The following POPDC3 variants were observed in gnomAD, a reference collection of about 807,000 sequenced individuals.
The protein encoded by POPDC3 is popeye domain cAMP effector 3.
A neutral mutation model predicts 28.2 loss-of-function variants in POPDC3; 20 were observed. The observed-to-expected ratio is 0.71, with a 90% CI of 0.50 to 1.03. The LOEUF is 1.03. Among genes scored for constraint, POPDC3 ranks in the 50% least tolerant of loss-of-function variants. The pLI, the probability that POPDC3 is intolerant of heterozygous loss-of-function variation, is 0.00. For missense variants in POPDC3, 316 were observed against 345.9 expected (o/e 0.91, Z 0.69); for synonymous variants, 118 against 124.1 (o/e 0.95, Z 0.33).
chr6:105,165,666 AC>A lies in POPDC3; in HGVS notation c.-251-3507del, dbSNP rs377072398. On this transcript the variant is annotated intron_variant, in intron 1 of 3. Transcript: ENST00000254765. ...TCACTTTTTCAAAATGCCTGGCACA[AC>A]CCCAAATGCATAAGGGAATCCTTTT... is the stretch of plus-strand genomic sequence containing the variant. Among the ~76,000 whole-genome samples the A allele has an allele frequency of 5.6e-4, 86 of 152,340 alleles. No homozygotes were observed. The East Asian group carries it at 0.016, about 28-fold the overall frequency.
intron 1 of POPDC3, chr6:105,178,805 A>G (rs1774728446): frequency 1.2e-5 from 12 of 985,038 alleles, no homozygotes; most frequent in African/African-American, 1.7e-5. Context: ...TTCATGCAAC[A>G]GTCCGTAGAA....
At chr6:105,166,468 G>A in intron 1 of POPDC3, 1 of 413,014 alleles carries the variant, frequency 2.4e-6, no homozygotes, top group Non-Finnish European at 5.0e-6. Flanking sequence ...GTGACAGGTG[G>A]GGGTGGGGGA....
Position 105,162,095 on chromosome 6 carries a change from T to C in POPDC3, c.-186A>G, listed in dbSNP as rs572946130. 5.3e-6 allele frequency: 7 copies of C among 1,328,958 alleles called. No homozygotes were observed. In the African/African-American group the frequency reaches 9.0e-5, roughly 17 times the overall value. 82.3% of individuals were successfully genotyped at this position (1,328,958 alleles called of 1,614,324 possible). A position where few individuals can be genotyped will look rare whatever the true frequency, so the allele number is the denominator to read the frequency against. On this transcript the variant is annotated 5_prime_UTR_variant, in exon 2 of 4. The change abolishes an upstream ATG in the 5' untranslated region. Transcript: ENST00000254765. The stretch of plus-strand genomic sequence containing the variant: ...GGATCTTGAAAAACTAAGAATCCCA[T>C]GCTCGCTTCTTTAAGTTCATCTGGG...
At chr6:105,176,290 A>G (rs1345378211) in intron 1 of POPDC3, among the ~76,000 whole-genome samples, 2 of 152,206 alleles carry the variant, frequency 1.3e-5, no homozygotes, top group African/African-American at 4.8e-5. Flanking sequence ...TTATACACTG[A>G]TGACAGAAGT....
chr6:105,159,706 C>T lies in POPDC3; in HGVS notation c.594+5G>A, dbSNP rs761217588. ...GTGCTAACTGTGTGTTCTGGTATCC[C>T]TTACCTGAAAAATGCCTTCCTCTGT... On this transcript the variant is annotated splice_donor_5th_base_variant and intron_variant, in intron 3 of 3. Transcript: ENST00000254765. 81 of 1,551,712 alleles carry T rather than the reference C, an allele frequency of 5.2e-5. No homozygotes were observed. Among genetic ancestry groups the T allele is most frequent in the Non-Finnish European group, 6.9e-5 (78 of 1,123,750 alleles).
At chr6:105,159,177 A>T (rs1774265722) in intron 3 of POPDC3, 1 of 160,122 alleles carries the variant, frequency 6.2e-6, no homozygotes, top group Non-Finnish European at 1.4e-5. Context: ...AGTTTGTTGC[A>T]TACACACATA....
chr6:105,161,571 G>C lies in POPDC3; in HGVS notation c.339C>G (p.Ser113Arg). Residue 113 changes from serine (S) to arginine (R), a missense_variant, in exon 2 of 4, where the codon AGC becomes AGG. Ser to Arg is a moderately radical substitution (Grantham distance 110). Coordinates refer to ENST00000254765, the MANE Select transcript of POPDC3 (RefSeq NM_022361.5). ...TFAREFQVLY[S>R]SLFQPLGISL... ...AGATCCCCAGGGGCTGGAAAAGGGAGCTGTACAACACTTGGAATTCTCGGG... is the reference window on the plus strand; with the variant it reads ...AGATCCCCAGGGGCTGGAAAAGGGACCTGTACAACACTTGGAATTCTCGGG... 6.2e-7 allele frequency: 1 copy of C among 1,614,188 alleles called. No individual in the cohort carries two copies.
At chr6:105,164,316 TGA>T (rs1353077311) in intron 1 of POPDC3, among the ~76,000 whole-genome samples, 1 of 152,174 alleles carries the variant, frequency 6.6e-6, no homozygotes, top group Non-Finnish European at 1.5e-5. Flanking sequence ...TTAAAAATCT[TGA>T]TTTGTAGGAT....
chr6:105,170,435 TC>T (rs1270609116), intron 1 of POPDC3, among the ~76,000 whole-genome samples: 4 of 152,218 alleles, frequency 2.6e-5, no homozygotes, highest in African/African-American at 7.2e-5. Flanking sequence ...TCAAGTTACT[TC>T]CTGGCAAACA....
intron 1 of POPDC3, chr6:105,177,078 A>G: frequency 2.8e-6 from 1 of 351,414 alleles, no homozygotes; most frequent in Non-Finnish European, 4.0e-6. Context: ...CCATGAACCC[A>G]ACAACCAGAA....
At chr6:105,166,875 T>A (rs1056202880) in intron 1 of POPDC3, among the ~76,000 whole-genome samples, 2 of 151,442 alleles carry the variant, frequency 1.3e-5, no homozygotes, top group Admixed American at 1.3e-4. Flanking sequence ...TGGTTGTGTG[T>A]GTGTGTGTGT....
chr6:105,165,781 T>C (rs867077407), intron 1 of POPDC3, among the ~76,000 whole-genome samples: 2 of 152,220 alleles, frequency 1.3e-5, no homozygotes, highest in Non-Finnish European at 2.9e-5. Context: ...TGAGTGAGTT[T>C]TGGTTGCTAA....
intron 1 of POPDC3, among the ~76,000 whole-genome samples, chr6:105,162,548 A>G (rs1375047878): frequency 6.6e-6 from 1 of 151,964 alleles, no homozygotes; most frequent in Admixed American, 6.6e-5. Flanking sequence ...CCTGGCCAAC[A>G]TGGCGAAACC....
chr6:105,173,406 T>C (rs1408692270), intron 1 of POPDC3, among the ~76,000 whole-genome samples: 1 of 152,222 alleles, frequency 6.6e-6, no homozygotes, highest in African/African-American at 2.4e-5. Flanking sequence ...AACATGTGTT[T>C]GGAACTTGAA....
chr6:105,169,138 A>G (rs1262409340), intron 1 of POPDC3: 1 of 152,240 alleles, frequency 6.6e-6, no homozygotes, highest in Non-Finnish European at 1.5e-5. Context: ...AAAACTAAAC[A>G]CACACATAAA....
intron 1 of POPDC3, chr6:105,178,926 A>C (rs372171577): frequency 1.0e-6 from 1 of 985,492 alleles, no homozygotes; most frequent in South Asian, 4.7e-5. Context: ...TGCAAATTCA[A>C]AATATCTAAC....
rs372616822 is a variant in POPDC3, at chr6:105,162,006, A to C, written c.-97T>G. On this transcript the variant is annotated 5_prime_UTR_variant, in exon 2 of 4. Transcript: ENST00000254765. ...GTTCTCCATCATGAGAGTTTTGTGC[A>C]GTCTTCACAAAACCAGAGAAAACGG... 132 of 1,511,328 alleles carry C rather than the reference A, an allele frequency of 8.7e-5. No homozygotes were observed. The East Asian group carries it at 1.4e-3, about 16-fold the overall frequency. 93.6% of individuals were successfully genotyped at this position (1,511,328 alleles called of 1,614,324 possible). A position where few individuals can be genotyped will look rare whatever the true frequency, so the allele number is the denominator to read the frequency against.
intron 1 of POPDC3, among the ~76,000 whole-genome samples, chr6:105,177,726 C>A (rs898024289): frequency 6.6e-6 from 1 of 152,162 alleles, no homozygotes; most frequent in African/African-American, 2.4e-5. Context: ...AGTTGCTTGT[C>A]CTTCCAATAC....
chr6:105,162,172 A>T lies in POPDC3; in HGVS notation c.-251-12T>A. 1 of 1,205,882 alleles carries T rather than the reference A, an allele frequency of 8.3e-7. No individual in the cohort carries two copies. 74.7% of individuals were successfully genotyped at this position (1,205,882 alleles called of 1,614,324 possible). A position where few individuals can be genotyped will look rare whatever the true frequency, so the allele number is the denominator to read the frequency against. On this transcript the variant is annotated splice_polypyrimidine_tract_variant and intron_variant, in intron 1 of 3. Coordinates refer to ENST00000254765, the MANE Select transcript of POPDC3 (RefSeq NM_022361.5). ...TATTTTGGTATTTCCTATGCAAGAG[A>T]AAAAAAGATAAAGGATCTAATTAAA... is the stretch of plus-strand genomic sequence containing the variant.
Sources: allele counts gnomAD v4.1 joint callset (sites outside exome capture counted in the v4.1 genomes callset), GRCh38; gene constraint gnomAD v4.1.1; transcripts MANE v1.5; gene names NCBI Gene and HGNC (gene_info 2026-07-23, HGNC 2026-07-21).